The following COL19A1 variants were observed in gnomAD, a reference collection of about 807,000 sequenced individuals.
COL19A1 encodes collagen alpha-1(XIX) chain.
COL19A1 carries 159 observed loss-of-function variants against 190.2 expected under a neutral mutation model. The ratio of observed to expected loss-of-function variants is 0.84; its 90% CI spans 0.73 to 0.95. COL19A1 has a LOEUF of 0.95. COL19A1 is among the 40% of genes least tolerant of loss of function. COL19A1 has a pLI of 0.00. For missense variants in COL19A1, 1,418 were observed against 1,431.9 expected (o/e 0.99, Z 0.16); for synonymous variants, 509 against 458.9 (o/e 1.11, Z -1.39).
chr6:70,001,434 C>T (rs995324306), intron 11 of COL19A1, among the ~76,000 whole-genome samples: 14 of 152,118 alleles, frequency 9.2e-5, no homozygotes, highest in South Asian at 2.1e-4. Flanking sequence ...ATAGGAATAG[C>T]GCTGGATCTA....
chr6:70,025,117 G>A (rs1344563658), intron 12 of COL19A1, among the ~76,000 whole-genome samples: 6 of 150,040 alleles, frequency 4.0e-5, no homozygotes, highest in African/African-American at 9.8e-5. Context: ...TGCAACCTCC[G>A]CCTCCTGGGT....
rs1216997835 is a variant in COL19A1, at chr6:69,921,459, A to ATATATAT, written c.267-6449_267-6448insATATATT. 1.2e-3 allele frequency among the ~76,000 whole-genome samples: 25 copies of ATATATAT among 21,250 alleles called. No homozygotes were observed. In the East Asian group the frequency reaches 0.017, roughly 14 times the overall value. 13.9% of individuals were successfully genotyped at this position (21,250 alleles called of 152,430 possible). On this transcript the variant is annotated intron_variant, in intron 4 of 50. Coordinates refer to ENST00000620364, the MANE Select transcript of COL19A1 (RefSeq NM_001858.6). ...ATCATATATATCATATATCATATAT[A>ATATATAT]TCATATATATTCATATATTCATATA...
chr6:70,105,168 G>A (rs1783873801), intron 16 of COL19A1, among the ~76,000 whole-genome samples: 1 of 152,080 alleles, frequency 6.6e-6, no homozygotes, highest in Non-Finnish European at 1.5e-5. Context: ...CAATTTGTTA[G>A]AAAAATTAGG....
intron 34 of COL19A1, among the ~76,000 whole-genome samples, chr6:70,157,842 G>T (rs1224182837): frequency 6.6e-6 from 1 of 151,940 alleles, no homozygotes; most frequent in East Asian, 1.9e-4. Flanking sequence ...CAATTGAGAA[G>T]GTAATAACAA....
At chr6:69,879,818 A>T in intron 2 of COL19A1, 160 bp downstream of exon 2, 1 of 678,508 alleles carries the variant, frequency 1.5e-6, no homozygotes, top group Non-Finnish European at 2.4e-6. Context: ...CATGATGCAC[A>T]TTAGGAATTC....
Position 70,146,803 on chromosome 6 carries a change from A to G in COL19A1, c.1816-9A>G. On this transcript the variant is annotated splice_polypyrimidine_tract_variant and intron_variant, in intron 26 of 50. Coordinates refer to ENST00000620364, the MANE Select transcript of COL19A1 (RefSeq NM_001858.6). ...AGCCTTGCAGTAACAGAAGCCTTTC[A>G]TTTCACAGGGTGAAAGAGGACTTCC... 1 of 1,592,656 alleles carries G rather than the reference A, an allele frequency of 6.3e-7. No individual in the cohort carries two copies. The highest frequency in any genetic ancestry group is 8.5e-7 in the Non-Finnish European group (1 of 1,171,896).
intron 41 of COL19A1, among the ~76,000 whole-genome samples, chr6:70,172,507 A>G (rs116207788): frequency 4.5e-4 from 68 of 152,274 alleles, no homozygotes; most frequent in African/African-American, 1.5e-3. Context: ...GCCTTGTCAT[A>G]TAGAGCAGTA....
intron 8 of COL19A1, among the ~76,000 whole-genome samples, chr6:69,937,472 G>T (rs140479307): frequency 4.4e-4 from 67 of 152,136 alleles, no homozygotes; most frequent in East Asian, 2.5e-3. Context: ...GGACCTTTAT[G>T]AACTTCCTTT....
chr6:69,911,887 C>T (rs1017500094), intron 4 of COL19A1, among the ~76,000 whole-genome samples: 3 of 152,190 alleles, frequency 2.0e-5, no homozygotes. Context: ...TTTCCCTGGG[C>T]AGTCCCCTTT....
At chr6:70,037,232 T>C (rs1779400805) in intron 14 of COL19A1, among the ~76,000 whole-genome samples, 1 of 152,140 alleles carries the variant, frequency 6.6e-6, no homozygotes, top group Non-Finnish European at 1.5e-5. Flanking sequence ...CTCGGCTCAC[T>C]GCAACCTCCG....
At chr6:70,016,674 T>C (rs909904532) in intron 11 of COL19A1, among the ~76,000 whole-genome samples, 41 of 151,874 alleles carry the variant, frequency 2.7e-4, no homozygotes, top group Non-Finnish European at 4.4e-4. Flanking sequence ...ATAAAGAACT[T>C]TTACAACTCA....
chr6:70,129,695 G>GA (rs1226075435), intron 17 of COL19A1, among the ~76,000 whole-genome samples: 2 of 152,024 alleles, frequency 1.3e-5, no homozygotes, highest in East Asian at 1.9e-4. Flanking sequence ...CCACAAAAAG[G>GA]AAAAAAATAA....
intron 14 of COL19A1, among the ~76,000 whole-genome samples, chr6:70,043,117 T>C (rs1779713728): frequency 6.6e-6 from 1 of 152,184 alleles, no homozygotes; most frequent in African/African-American, 2.4e-5. Flanking sequence ...ATGTTGTTTT[T>C]CAATTTATTT....
At chr6:70,089,262 T>C (rs1321663662) in intron 15 of COL19A1, among the ~76,000 whole-genome samples, 1 of 152,170 alleles carries the variant, frequency 6.6e-6, no homozygotes, top group East Asian at 1.9e-4. Flanking sequence ...TCTCAGTTGT[T>C]GGTTTGTCAG....
chr6:69,955,910 G>T (rs1562032584), intron 9 of COL19A1, among the ~76,000 whole-genome samples: 1 of 152,028 alleles, frequency 6.6e-6, no homozygotes. Flanking sequence ...TAACCACACA[G>T]TGAATTTTTT....
intron 1 of COL19A1, among the ~76,000 whole-genome samples, chr6:69,873,128 TA>T (rs1767935875): frequency 6.6e-6 from 1 of 152,072 alleles, no homozygotes; most frequent in Non-Finnish European, 1.5e-5. Context: ...AACACCCCAC[TA>T]TAGTCTTGCT....
At chr6:69,946,827 A>T (rs1224004022) in intron 9 of COL19A1, among the ~76,000 whole-genome samples, 1 of 151,866 alleles carries the variant, frequency 6.6e-6, no homozygotes, top group East Asian at 1.9e-4. Flanking sequence ...ATCAGATAGG[A>T]TAGGAAAATA....
At chr6:70,179,631 C>T (rs1039237513) in intron 42 of COL19A1, among the ~76,000 whole-genome samples, 1 of 152,146 alleles carries the variant, frequency 6.6e-6, no homozygotes, top group African/African-American at 2.4e-5. Flanking sequence ...TAGAAAAAAA[C>T]TTATTTGATG....
intron 46 of COL19A1, 83 bp downstream of exon 46, chr6:70,184,998 AG>A: frequency 2.3e-6 from 3 of 1,321,878 alleles, no homozygotes; most frequent in Non-Finnish European, 3.2e-6. Context: ...TTATGTGTGT[AG>A]ACCCCTGCAA....
Sources: allele counts gnomAD v4.1 joint callset (sites outside exome capture counted in the v4.1 genomes callset), GRCh38; gene constraint gnomAD v4.1.1; transcripts MANE v1.5; gene names NCBI Gene and HGNC (gene_info 2026-07-23, HGNC 2026-07-21).